The following FRMD6 variants were observed in gnomAD, a reference collection of about 807,000 sequenced individuals.
FRMD6 encodes FERM domain containing 6, also known as FERM domain-containing protein 6.
FRMD6 carries 37 observed loss-of-function variants against 73.2 expected under a neutral mutation model. The ratio of observed to expected loss-of-function variants is 0.51; its 90% CI spans 0.39 to 0.66. The LOEUF is 0.66. Ranked by LOEUF, FRMD6 falls within the 30% of genes least tolerant of loss-of-function variation. The pLI is 0.00. For missense variants in FRMD6, 714 were observed against 780.5 expected (o/e 0.91, Z 1.02); for synonymous variants, 273 against 282.2 (o/e 0.97, Z 0.33).
chr14:51,495,860 C>T (rs982919219), intron 1 of FRMD6, among the ~76,000 whole-genome samples: 2 of 152,122 alleles, frequency 1.3e-5, no homozygotes, highest in Non-Finnish European at 2.9e-5. Flanking sequence ...AAATTAATCC[C>T]TTGGGGTTCT....
chr14:51,418,049 C>T, the FRMD6 span, among the ~76,000 whole-genome samples: 1 of 152,262 alleles, frequency 6.6e-6, no homozygotes, highest in Admixed American at 6.5e-5. Context: ...GTTAGCCATT[C>T]ATCTAATCTT....
At chr14:51,625,539 T>C (rs554312403) in intron 2 of FRMD6, among the ~76,000 whole-genome samples, 52 of 152,230 alleles carry the variant, frequency 3.4e-4, no homozygotes, top group Non-Finnish European at 4.9e-4. Flanking sequence ...CTGGATAACT[T>C]TTCCCTGGAC....
intron 2 of FRMD6, among the ~76,000 whole-genome samples, chr14:51,644,132 C>T (rs1891941462): frequency 6.6e-6 from 1 of 151,870 alleles, no homozygotes; most frequent in Admixed American, 6.6e-5. Context: ...CAATAAGGAA[C>T]ATCAATAGAA....
intron 2 of FRMD6, among the ~76,000 whole-genome samples, chr14:51,606,019 T>C (rs748956404): frequency 6.6e-6 from 1 of 152,176 alleles, no homozygotes; most frequent in Non-Finnish European, 1.5e-5. Flanking sequence ...AGAAGTATGA[T>C]GGGTTAGTTT....
the FRMD6 span, among the ~76,000 whole-genome samples, chr14:51,450,474 T>C: frequency 0.92 from 140,568 of 152,174 alleles, 65,192 homozygotes; most frequent in African/African-American, 0.97. Flanking sequence ...CTAGAAGCTC[T>C]TCCAAATGAA....
At chr14:51,676,511 ATGGATTCATCTTT>A (rs1331010498) in intron 1 of FRMD6, among the ~76,000 whole-genome samples, 6 of 152,174 alleles carry the variant, frequency 3.9e-5, no homozygotes, top group African/African-American at 1.4e-4. Context: ...AGGATCCGTA[ATGGATTCATCTTT>A]TGTGAAATGT....
At chr14:51,564,623 A>G (rs1252627381) in intron 1 of FRMD6, among the ~76,000 whole-genome samples, 2 of 152,158 alleles carry the variant, frequency 1.3e-5, no homozygotes, top group Admixed American at 6.5e-5. Context: ...ATAATTAACA[A>G]TCCTCTTCTG....
At chr14:51,506,731 T>C (rs538171916) in intron 1 of FRMD6, among the ~76,000 whole-genome samples, 2 of 152,320 alleles carry the variant, frequency 1.3e-5, no homozygotes, top group East Asian at 3.9e-4. Context: ...GATATTTATA[T>C]AAAGATACCT....
chr14:51,613,001 A>C (rs1890573808), intron 2 of FRMD6, among the ~76,000 whole-genome samples: 2 of 152,214 alleles, frequency 1.3e-5, no homozygotes, highest in Admixed American at 6.5e-5. Flanking sequence ...ACACAGGTGC[A>C]ATGGCTTGGA....
At chr14:51,478,450 A>G in the FRMD6 span, among the ~76,000 whole-genome samples, 1 of 152,250 alleles carries the variant, frequency 6.6e-6, no homozygotes, top group Admixed American at 6.5e-5. Flanking sequence ...AAAAGTATCT[A>G]TTTTAGTGCT....
At chr14:51,548,002 T>C (rs893479277) in intron 1 of FRMD6, 2 of 152,100 alleles carry the variant, frequency 1.3e-5, no homozygotes, top group African/African-American at 4.8e-5. Flanking sequence ...GAAATGTTAA[T>C]GAGGTGATGG....
intron 1 of FRMD6, among the ~76,000 whole-genome samples, chr14:51,660,838 A>G (rs1463625075): frequency 6.6e-6 from 1 of 152,092 alleles, no homozygotes; most frequent in Admixed American, 6.5e-5. Flanking sequence ...AGAGGGCTTG[A>G]AGGAGGAAGA....
the FRMD6 span, among the ~76,000 whole-genome samples, chr14:51,461,702 C>T: frequency 0.019 from 2,951 of 152,288 alleles, 87 homozygotes; most frequent in African/African-American, 0.063. Context: ...CTCTGCCTGC[C>T]ACCAATTTGC....
At chr14:51,686,443 GA>G (rs1408928953) in intron 1 of FRMD6, among the ~76,000 whole-genome samples, 1 of 152,088 alleles carries the variant, frequency 6.6e-6, no homozygotes, top group African/African-American at 2.4e-5. Flanking sequence ...ATTCTTAAAA[GA>G]AATGGAATAA....
chr14:51,700,432 T>A (rs1335016865), intron 3 of FRMD6, among the ~76,000 whole-genome samples: 1 of 152,030 alleles, frequency 6.6e-6, no homozygotes, highest in Admixed American at 6.6e-5. Context: ...CATACTTGTT[T>A]TTCATAAAAT....
At chr14:51,421,865 G>T in the FRMD6 span, among the ~76,000 whole-genome samples, 1 of 152,202 alleles carries the variant, frequency 6.6e-6, no homozygotes, top group Non-Finnish European at 1.5e-5. Flanking sequence ...CAGGCCTGCA[G>T]ACTTTCCCCT....
intron 1 of FRMD6, among the ~76,000 whole-genome samples, chr14:51,533,697 C>T (rs1885722791): frequency 6.6e-6 from 1 of 152,064 alleles, no homozygotes; most frequent in African/African-American, 2.4e-5. Context: ...AAAGAAATAC[C>T]CTTCTGAACC....
chr14:51,488,548 A>G (rs546976753), upstream of FRMD6, among the ~76,000 whole-genome samples: 9 of 152,320 alleles, frequency 5.9e-5, no homozygotes, highest in African/African-American at 1.4e-4. Flanking sequence ...CTTCTTGGAA[A>G]CTAGGAATGA....
At chr14:51,644,604 A>C (rs1229878957) in intron 2 of FRMD6, among the ~76,000 whole-genome samples, 1 of 152,204 alleles carries the variant, frequency 6.6e-6, no homozygotes, top group African/African-American at 2.4e-5. Flanking sequence ...CTATAAAAAT[A>C]AGTGATGTGT....
Sources: allele counts gnomAD v4.1 joint callset (sites outside exome capture counted in the v4.1 genomes callset), GRCh38; gene constraint gnomAD v4.1.1; transcripts MANE v1.5; gene names NCBI Gene and HGNC (gene_info 2026-07-23, HGNC 2026-07-21).